The following ZFHX4 variants were observed in gnomAD, a reference collection of about 807,000 sequenced individuals.
ZFHX4 encodes zinc finger homeobox 4.
Under a neutral mutation model 267.6 loss-of-function variants are expected in ZFHX4, and 56 were observed. The ratio of observed to expected loss-of-function variants is 0.21; its 90% CI spans 0.17 to 0.26. The LOEUF (loss-of-function observed/expected upper bound fraction) is 0.26, where lower values mean the gene tolerates loss of function less well. Among genes scored for constraint, ZFHX4 ranks in the 10% least tolerant of loss-of-function variants. The probability of loss-of-function intolerance (pLI) is 1.00; values close to 1 mark genes in which losing one functional copy is unlikely to be tolerated. For missense variants in ZFHX4, 4,332 were observed against 4,420.0 expected, an observed-to-expected ratio of 0.98 and a Z score of 0.56; for synonymous variants, 1,778 against 1,665.6, an observed-to-expected ratio of 1.07 and a Z score of -1.64.
At chr8:76,859,204 C>T (rs1283270868) in intron 10 of ZFHX4, among the ~76,000 whole-genome samples, 1 of 152,142 alleles carries the variant, frequency 6.6e-6, no homozygotes, top group Admixed American at 6.6e-5. Flanking sequence ...AAGAAATCTG[C>T]AAATTTTTTA....
intron 3 of ZFHX4, among the ~76,000 whole-genome samples, chr8:76,758,862 C>A (rs1390319826): frequency 6.6e-6 from 1 of 152,032 alleles, no homozygotes; most frequent in Non-Finnish European, 1.5e-5. Flanking sequence ...GTCTGTGGCA[C>A]CTTCATTGGT....
chr8:76,795,511 A>G (rs1385315611), intron 4 of ZFHX4, among the ~76,000 whole-genome samples: 1 of 140,406 alleles, frequency 7.1e-6, no homozygotes, highest in Non-Finnish European at 1.6e-5. Flanking sequence ...ATTTTAAGCC[A>G]TTTTGATCTT....
At chr8:76,710,937 T>A (rs1808406348) in intron 3 of ZFHX4, among the ~76,000 whole-genome samples, 1 of 152,178 alleles carries the variant, frequency 6.6e-6, no homozygotes, top group Non-Finnish European at 1.5e-5. Context: ...ATGTTGTTTT[T>A]AATATATTTG....
At chr8:76,778,510 AACAC>A (rs1018814568) in intron 4 of ZFHX4, 71 bp downstream of exon 4, 8 of 1,055,718 alleles carry the variant, frequency 7.6e-6, no homozygotes, top group East Asian at 2.5e-5. Flanking sequence ...CACACACACA[AACAC>A]ACACACACAC....
At chr8:76,798,919 C>A (rs1480083920) in intron 4 of ZFHX4, among the ~76,000 whole-genome samples, 1 of 152,060 alleles carries the variant, frequency 6.6e-6, no homozygotes, top group East Asian at 1.9e-4. Context: ...TTTGCATCAT[C>A]CACTCCTTTC....
Position 76,681,605 on chromosome 8 carries a change from G to A in ZFHX4, c.-62G>A. On this transcript the variant is annotated 5_prime_UTR_variant, in exon 1 of 11. Transcript: ENST00000651372. ...AAGAGGCGAAGATCGAGTAGGAACTGCAGGGGAAATGGAAAGTAAGTTTTT... is the reference window on the plus strand; with the variant it reads ...AAGAGGCGAAGATCGAGTAGGAACTACAGGGGAAATGGAAAGTAAGTTTTT... 1 of 397,560 alleles carries A rather than the reference G, an allele frequency of 2.5e-6. No homozygotes were observed. 24.6% of individuals were successfully genotyped at this position (397,560 alleles called of 1,614,324 possible). A position where few individuals can be genotyped will look rare whatever the true frequency, so the allele number is the denominator to read the frequency against.
chr8:76,769,453 G>A (rs1810201350), intron 3 of ZFHX4, among the ~76,000 whole-genome samples: 2 of 151,856 alleles, frequency 1.3e-5, no homozygotes, highest in African/African-American at 4.8e-5. Flanking sequence ...AGGCTTAAGC[G>A]ATCCTCCTAC....
chr8:76,794,057 G>A (rs1359833489), intron 4 of ZFHX4, among the ~76,000 whole-genome samples: 1 of 152,044 alleles, frequency 6.6e-6, no homozygotes, highest in African/African-American at 2.4e-5. Flanking sequence ...TATCTTAACA[G>A]AACTTTTTTA....
At chr8:76,838,175 C>T (rs1043553883) in intron 5 of ZFHX4, among the ~76,000 whole-genome samples, 3 of 152,082 alleles carry the variant, frequency 2.0e-5, no homozygotes, top group East Asian at 1.9e-4. Context: ...GTTTCTTGAA[C>T]GGTGGTTACA....
At chr8:76,708,867 C>G (rs1047958197) in intron 3 of ZFHX4, among the ~76,000 whole-genome samples, 36 of 152,124 alleles carry the variant, frequency 2.4e-4, no homozygotes, top group African/African-American at 7.5e-4. Flanking sequence ...ACAAATATAA[C>G]ACATTCATTA....
At chr8:76,716,842 T>C (rs931653061) in intron 3 of ZFHX4, among the ~76,000 whole-genome samples, 14 of 152,164 alleles carry the variant, frequency 9.2e-5, no homozygotes, top group African/African-American at 3.1e-4. Context: ...TACTGGCATG[T>C]TTGGGTATTT....
intron 1 of ZFHX4, among the ~76,000 whole-genome samples, chr8:76,691,705 C>A (rs996786837): frequency 5.3e-5 from 8 of 152,100 alleles, no homozygotes; most frequent in Non-Finnish European, 4.4e-5. Flanking sequence ...ACTTAATCTT[C>A]CTGAGCCTCA....
At chr8:76,770,521 G>T (rs1585926897) in intron 3 of ZFHX4, among the ~76,000 whole-genome samples, 1 of 152,048 alleles carries the variant, frequency 6.6e-6, no homozygotes, top group African/African-American at 2.4e-5. Context: ...GCTATATGCT[G>T]GACATTATTT....
rs564469481 is a variant in ZFHX4 at position 76,704,403 on chromosome 8, T to C, written c.315T>C (p.Leu105=). The C allele has an allele frequency of 6.2e-7, 1 of 1,613,968 alleles. No homozygotes were observed. The highest frequency in any genetic ancestry group is 1.3e-5 in the African/African-American group (1 of 75,026). ...AACACCACTGCCCTAATGCCCGCCT[T>C]CCTGTCCTGAAGGATGACAACGAGA... ...YMEHHCPNAR[L]PVLKDDNESE... is the part of the protein sequence containing the mutation. The change falls in exon 2 of 11, where the codon CTT becomes CTC. Residue 105 remains leucine (L), a synonymous_variant. Transcript: ENST00000651372.
chr8:76,826,212 A>G (rs1231894655), intron 4 of ZFHX4, among the ~76,000 whole-genome samples: 1 of 152,160 alleles, frequency 6.6e-6, no homozygotes, highest in Non-Finnish European at 1.5e-5. Context: ...CTTTTAAACA[A>G]CCACATCTTG....
rs1426111113 is a variant in ZFHX4, at chr8:76,855,587, C to G, written c.8666C>G (p.Thr2889Arg). The G allele has an allele frequency of 6.2e-7, 1 of 1,613,886 alleles. No individual in the cohort carries two copies. The highest frequency in any genetic ancestry group is 8.5e-7 in the Non-Finnish European group (1 of 1,179,856). Reference protein sequence around the residue: ...DGDHDQSFYITDDPDDNADRS... With the variant: ...DGDHDQSFYIRDDPDDNADRS... ...GACCACGACCAAAGCTTTTACATCACAGATGACCCGGATGACAACGCCGAC... is the reference window on the plus strand; with the variant it reads ...GACCACGACCAAAGCTTTTACATCAGAGATGACCCGGATGACAACGCCGAC... Residue 2889 changes from threonine (T) to arginine (R), a missense_variant, in exon 10 of 11, where the codon ACA (threonine) becomes AGA (arginine). Thr to Arg is a moderately conservative substitution (Grantham distance 71). Coordinates refer to ENST00000651372, the MANE Select transcript of ZFHX4 (RefSeq NM_024721.5).
intron 3 of ZFHX4, among the ~76,000 whole-genome samples, chr8:76,766,437 G>T (rs1810052928): frequency 6.6e-6 from 1 of 152,000 alleles, no homozygotes; most frequent in African/African-American, 2.4e-5. Flanking sequence ...CAAAAGCATG[G>T]TTTTAATTTT....
intron 3 of ZFHX4, among the ~76,000 whole-genome samples, chr8:76,740,367 G>A (rs1809282871): frequency 6.6e-6 from 1 of 151,090 alleles, no homozygotes; most frequent in Non-Finnish European, 1.5e-5. Flanking sequence ...AGGAGGGAGG[G>A]AAAGAAGAGT....
At chr8:76,780,943 A>G (rs549145696) in intron 4 of ZFHX4, among the ~76,000 whole-genome samples, 41 of 152,176 alleles carry the variant, frequency 2.7e-4, no homozygotes, top group African/African-American at 9.4e-4. Context: ...TTTGTATAGG[A>G]CCTGGGTTTA....
Sources: gnomAD v4.1 joint callset for allele counts (sites outside exome capture counted in the v4.1 genomes callset) on GRCh38, gnomAD v4.1.1 for gene constraint, MANE v1.5 for transcripts, NCBI Gene and HGNC (gene_info 2026-07-23, HGNC 2026-07-21) for gene names.